Variants in SENP7 observed in about 807,000 individuals in gnomAD.
SENP7 encodes the protein SUMO specific peptidase 7.
A neutral mutation model predicts 141.2 loss-of-function variants in SENP7; 64 were observed. That is an observed-to-expected ratio of 0.45 (90% CI 0.37 to 0.56). SENP7 has a LOEUF of 0.56. Among genes scored for constraint, SENP7 ranks in the 20% least tolerant of loss-of-function variants. The probability of loss-of-function intolerance (pLI) is 0.00; values close to 1 mark genes in which losing one functional copy is unlikely to be tolerated. For synonymous variants in SENP7, 382 were observed against 426.4 expected, an observed-to-expected ratio of 0.90 and a Z score of 1.28; for missense variants, 1,025 against 1,212.2, an observed-to-expected ratio of 0.85 and a Z score of 2.29.
chr3:101,471,886 C>T (rs929502187), intron 3 of SENP7, among the ~76,000 whole-genome samples: 1 of 152,178 alleles, frequency 6.6e-6, no homozygotes, highest in Non-Finnish European at 1.5e-5. Context: ...ATGCAGCCAA[C>T]AGACACATGA....
At chr3:101,403,507 GGTT>G (rs1459467554) in intron 5 of SENP7, among the ~76,000 whole-genome samples, 1 of 152,122 alleles carries the variant, frequency 6.6e-6, no homozygotes, top group Non-Finnish European at 1.5e-5. Flanking sequence ...TATCTTTGGG[GGTT>G]TTTTGTCTGT....
At chr3:101,392,656 A>C (rs914970487) in intron 6 of SENP7, among the ~76,000 whole-genome samples, 30 of 152,334 alleles carry the variant, frequency 2.0e-4, no homozygotes, top group African/African-American at 7.2e-4. Flanking sequence ...TCAAAATGCC[A>C]ATGATATTCT....
At chr3:101,412,209 C>T (rs1349035499) in intron 5 of SENP7, among the ~76,000 whole-genome samples, 1 of 151,976 alleles carries the variant, frequency 6.6e-6, no homozygotes, top group African/African-American at 2.4e-5. Flanking sequence ...AATTACAATA[C>T]TAATTTAGTT....
At chr3:101,417,512 A>G (rs2061659298) in intron 5 of SENP7, 81 bp downstream of exon 5, 1 of 1,193,926 alleles carries the variant, frequency 8.4e-7, no homozygotes, top group Non-Finnish European at 1.2e-6. Flanking sequence ...AGGTCATTTC[A>G]ACAATTTTAT....
At position 101,337,531 on chromosome 3, in the gene SENP7, T is replaced by A. The variant is rs2059218402; in HGVS notation, c.2458A>T (p.Thr820Ser). The A allele has an allele frequency of 3.9e-6, 6 of 1,549,660 alleles. No homozygotes were observed. Among genetic ancestry groups the A allele is most frequent in the Non-Finnish European group, 5.3e-6 (6 of 1,127,294 alleles). The change falls in exon 17 of 24, where the codon ACA becomes TCA. Residue 820 changes from threonine to serine, a missense_variant. Coordinates refer to ENST00000394095, the MANE Select transcript of SENP7 (RefSeq NM_020654.5). ...TACGAAAGATTTGGATTATCTTCTG[T>A]TAAATTATTTTCCTTTCTTGTCAAG... is the stretch of plus-strand genomic sequence containing the variant. ...KCLTRKENNL[T>S]EDNPNLSMAQ...
At chr3:101,359,953 T>C (rs2059850362) in intron 11 of SENP7, among the ~76,000 whole-genome samples, 1 of 151,906 alleles carries the variant, frequency 6.6e-6, no homozygotes, top group Non-Finnish European at 1.5e-5. Flanking sequence ...TGTTTAATAT[T>C]TATATTGGAT....
chr3:101,337,258 G>C (rs2059211797), intron 17 of SENP7: 1 of 248,806 alleles, frequency 4.0e-6, no homozygotes. Context: ...TTTCTTCCTT[G>C]CCCTCCAACT....
At position 101,367,818 on chromosome 3, in the gene SENP7, ACCT is replaced by A; in HGVS notation, c.978+9_978+11del. On this transcript the variant is annotated intron_variant, in intron 8 of 23. Coordinates refer to ENST00000394095, the MANE Select transcript of SENP7 (RefSeq NM_020654.5). The stretch of plus-strand genomic sequence containing the variant: ...AAATTATTTCCTATAATATCTAAAT[ACCT>A]CTACTTACTGTCTGTTCTGTTGACT... The A allele has an allele frequency of 6.7e-7, 1 of 1,496,648 alleles. No homozygotes were observed. The highest frequency in any genetic ancestry group is 9.1e-7 in the Non-Finnish European group (1 of 1,098,022). The allele number at this position is 1,496,648 out of a possible 1,614,324, so 92.7% of individuals were successfully genotyped here. A position where few individuals can be genotyped will look rare whatever the true frequency, so the allele number is the denominator to read the frequency against.
At chr3:101,435,658 A>C (rs955985278) in intron 4 of SENP7, among the ~76,000 whole-genome samples, 2 of 152,124 alleles carry the variant, frequency 1.3e-5, no homozygotes, top group Non-Finnish European at 2.9e-5. Context: ...CACGAAAAAA[A>C]ATTAAAAAGT....
intron 1 of SENP7, among the ~76,000 whole-genome samples, chr3:101,512,193 A>C (rs1456024818): frequency 6.6e-6 from 1 of 152,232 alleles, no homozygotes; most frequent in Non-Finnish European, 1.5e-5. Context: ...GAAATGAAAT[A>C]ATTGATTCAT....
At chr3:101,357,184 A>G in intron 11 of SENP7, 1 of 209,964 alleles carries the variant, frequency 4.8e-6, no homozygotes, top group South Asian at 8.8e-5. Context: ...CATTCTCAGT[A>G]GAGACAAGGT....
intron 6 of SENP7, among the ~76,000 whole-genome samples, chr3:101,389,208 G>C (rs2060742813): frequency 6.6e-6 from 1 of 152,104 alleles, no homozygotes; most frequent in Admixed American, 6.6e-5. Flanking sequence ...TGCAATCCTA[G>C]CTCACTGCGG....
At chr3:101,405,902 T>A (rs1171336819) in intron 5 of SENP7, among the ~76,000 whole-genome samples, 1 of 152,010 alleles carries the variant, frequency 6.6e-6, no homozygotes, top group African/African-American at 2.4e-5. Context: ...TAAGAAAATA[T>A]GAACAAAGCC....
At chr3:101,501,517 A>C (rs1486525041) in intron 1 of SENP7, among the ~76,000 whole-genome samples, 1 of 152,132 alleles carries the variant, frequency 6.6e-6, no homozygotes, top group Non-Finnish European at 1.5e-5. Context: ...AGAAGTTAGA[A>C]GTTGAGAATA....
chr3:101,452,475 C>T (rs1445644764), intron 4 of SENP7, among the ~76,000 whole-genome samples: 2 of 152,142 alleles, frequency 1.3e-5, no homozygotes, highest in African/African-American at 2.4e-5. Context: ...TACTACAAGG[C>T]TACAGTAACC....
chr3:101,509,928 T>C (rs535301626), intron 1 of SENP7, among the ~76,000 whole-genome samples: 18 of 152,354 alleles, frequency 1.2e-4, no homozygotes, highest in African/African-American at 4.3e-4. Context: ...TATTGAAGTT[T>C]GTGAAGTTCT....
intron 4 of SENP7, among the ~76,000 whole-genome samples, chr3:101,450,276 AC>A (rs1299558571): frequency 6.6e-6 from 1 of 152,172 alleles, no homozygotes; most frequent in Admixed American, 6.5e-5. Context: ...AGACTTTAAC[AC>A]CCCACTGTCA....
intron 5 of SENP7, among the ~76,000 whole-genome samples, chr3:101,411,430 A>G (rs1269487275): frequency 6.6e-6 from 1 of 152,238 alleles, no homozygotes. Context: ...ACTACAGTAC[A>G]CATAGCTCTT....
intron 2 of SENP7, among the ~76,000 whole-genome samples, chr3:101,496,983 A>G (rs566053150): frequency 1.3e-3 from 205 of 152,376 alleles, no homozygotes; most frequent in African/African-American, 4.7e-3. Context: ...TGGAGGGAAA[A>G]GGCAGTAATA....
Sources: allele counts gnomAD v4.1 joint callset (sites outside exome capture counted in the v4.1 genomes callset), GRCh38; gene constraint gnomAD v4.1.1; transcripts MANE v1.5; gene names NCBI Gene and HGNC (gene_info 2026-07-23, HGNC 2026-07-21).